The following PREX2 variants were observed in gnomAD, a reference collection of about 807,000 sequenced individuals.
PREX2 encodes the protein phosphatidylinositol-3,4,5-trisphosphate dependent Rac exchange factor 2.
A neutral mutation model predicts 203.2 loss-of-function variants in PREX2; 107 were observed. That is an observed-to-expected ratio of 0.53 (90% CI 0.45 to 0.62). The LOEUF is 0.62. PREX2 is among the 20% of genes least tolerant of loss of function. The probability of loss-of-function intolerance (pLI) is 0.00; values close to 1 mark genes in which losing one functional copy is unlikely to be tolerated. For synonymous variants in PREX2, 672 were observed against 663.6 expected (o/e 1.01, Z -0.19); for missense variants, 1,777 against 1,955.9 (o/e 0.91, Z 1.72).
At chr8:68,093,466 C>T (rs2129612302) in intron 20 of PREX2, 139 bp from the exon 21 acceptor site, 2 of 416,956 alleles carry the variant, frequency 4.8e-6, no homozygotes, top group Admixed American at 3.2e-5. Context: ...TTATTAGTTT[C>T]TGATGTTAAT....
intron 23 of PREX2, chr8:68,103,088 A>G (rs1034254101): frequency 9.9e-5 from 42 of 425,242 alleles, no homozygotes; most frequent in African/African-American, 8.5e-4. Context: ...TATTTAACAT[A>G]TATTCAAGAG....
At chr8:68,111,170 G>A (rs1424754130) in intron 25 of PREX2, 2 of 197,636 alleles carry the variant, frequency 1.0e-5, no homozygotes, top group African/African-American at 2.4e-5. Context: ...ATAAATAGTG[G>A]CATTGAATCA....
intron 1 of PREX2, among the ~76,000 whole-genome samples, chr8:67,991,615 A>T (rs1435148385): frequency 1.3e-5 from 2 of 152,146 alleles, no homozygotes; most frequent in African/African-American, 4.8e-5. Flanking sequence ...GCATGGGGGA[A>T]ACCACCCCCA....
chr8:68,226,900 C>T (rs944400155), intron 39 of PREX2, among the ~76,000 whole-genome samples: 1 of 152,140 alleles, frequency 6.6e-6, no homozygotes, highest in Admixed American at 6.5e-5. Flanking sequence ...ATGCATGTCC[C>T]ATACTGGGGA....
intron 38 of PREX2, among the ~76,000 whole-genome samples, chr8:68,224,277 A>G (rs1278530380): frequency 6.6e-6 from 1 of 152,144 alleles, no homozygotes; most frequent in East Asian, 1.9e-4. Flanking sequence ...TTGGCCCCTC[A>G]AAGTACTGGA....
chr8:68,016,573 C>T (rs897225711), intron 1 of PREX2, among the ~76,000 whole-genome samples: 2 of 152,030 alleles, frequency 1.3e-5, no homozygotes, highest in Non-Finnish European at 2.9e-5. Context: ...GAATAAAGTC[C>T]TAGAAGTAGT....
chr8:67,967,108 A>C (rs1348456999), intron 1 of PREX2, among the ~76,000 whole-genome samples: 1 of 152,232 alleles, frequency 6.6e-6, no homozygotes, highest in East Asian at 1.9e-4. Flanking sequence ...ATCTCTAAAA[A>C]TATTTGAAAG....
intron 33 of PREX2, among the ~76,000 whole-genome samples, chr8:68,138,795 ATATC>A (rs1306574001): frequency 7.9e-5 from 12 of 152,190 alleles, no homozygotes; most frequent in Non-Finnish European, 2.9e-5. Flanking sequence ...TAGTTAAAAT[ATATC>A]TATCAGTCTA....
chr8:67,956,027 A>G (rs759109588), intron 1 of PREX2, among the ~76,000 whole-genome samples: 9 of 152,206 alleles, frequency 5.9e-5, no homozygotes, highest in Non-Finnish European at 1.3e-4. Context: ...TTTTTGTTTG[A>G]GATCATGGAT....
chr8:68,044,429 T>A, intron 7 of PREX2, 58 bp from the exon 8 acceptor site: 1 of 1,229,020 alleles, frequency 8.1e-7, no homozygotes, highest in Non-Finnish European at 1.2e-6. Flanking sequence ...ATATATTGTT[T>A]TGACATTGTT....
At chr8:68,192,603 C>G (rs1190753009) in intron 37 of PREX2, 78 bp downstream of exon 37, 1 of 1,178,038 alleles carries the variant, frequency 8.5e-7, no homozygotes, top group African/African-American at 1.5e-5. Context: ...ATTTTGGCTT[C>G]ACAAAATTAA....
chr8:68,073,122 G>A (rs143677830), intron 14 of PREX2, among the ~76,000 whole-genome samples: 48 of 151,524 alleles, frequency 3.2e-4, no homozygotes, highest in African/African-American at 1.1e-3. Flanking sequence ...AAAAATTAGG[G>A]CATCCTTTCC....
chr8:68,195,666 G>T (rs1455101249), intron 37 of PREX2, among the ~76,000 whole-genome samples: 1 of 152,084 alleles, frequency 6.6e-6, no homozygotes, highest in African/African-American at 2.4e-5. Flanking sequence ...TAAACACGGA[G>T]GTTTACCCTC....
In PREX2 at chr8:68,224,369, A is replaced by G. The variant is rs558715759; in HGVS notation, c.4708-190A>G. On this transcript the variant is annotated intron_variant, in intron 38 of 39. Coordinates refer to ENST00000288368, the MANE Select transcript of PREX2 (RefSeq NM_024870.4). ...CTTCTAGGAATAAAGACAAAGCAAC[A>G]TAACAGCACATTTTTATTAAAAGCA... Among the ~76,000 whole-genome samples the G allele has an allele frequency of 3.3e-5, 5 of 152,356 alleles. No homozygotes were observed. In the South Asian group the frequency reaches 1.0e-3, roughly 32 times the overall value.
intron 1 of PREX2, among the ~76,000 whole-genome samples, chr8:68,013,009 G>A (rs1484781051): frequency 6.6e-6 from 1 of 152,188 alleles, no homozygotes; most frequent in Non-Finnish European, 1.5e-5. Flanking sequence ...ATACACTAGG[G>A]AAATTAATGC....
At chr8:67,976,925 T>A (rs73256067) in intron 1 of PREX2, among the ~76,000 whole-genome samples, 3,491 of 152,344 alleles carry the variant, frequency 0.023, 127 homozygotes, top group African/African-American at 0.077. Flanking sequence ...TGGTAGCACA[T>A]GTAGCAGAAT....
At chr8:68,069,259 C>G in intron 12 of PREX2, 123 bp downstream of exon 12, 3 of 584,100 alleles carry the variant, frequency 5.1e-6, no homozygotes, top group Non-Finnish European at 9.0e-6. Flanking sequence ...ACTATATATA[C>G]AAGCAAGCCT....
At position 67,952,195 on chromosome 8, in the gene PREX2, C is replaced by G. The variant is rs1326776030; in HGVS notation, c.-200C>G. On this transcript the variant is annotated 5_prime_UTR_variant, in exon 1 of 40. Transcript: ENST00000288368. ...GGAGTTTCCTCTGCAGAGCCCCGCGCCCCCCGCGCCGGGATTTCAGCCCGA... is the reference window on the plus strand; with the variant it reads ...GGAGTTTCCTCTGCAGAGCCCCGCGGCCCCCGCGCCGGGATTTCAGCCCGA... The G allele has an allele frequency of 2.4e-6, 1 of 410,688 alleles. No individual in the cohort carries two copies. The highest frequency in any genetic ancestry group is 4.3e-5 in the East Asian group (1 of 23,428). 25.4% of individuals were successfully genotyped at this position (410,688 alleles called of 1,614,324 possible). A position where few individuals can be genotyped will look rare whatever the true frequency, so the allele number is the denominator to read the frequency against.
rs1806094250 is a variant in PREX2, at chr8:67,976,493, GAGACAGAGAGAGGGAC to G, written c.141+23968_141+23983del. ...GAGACAGAGAGAGAGAGAGGGGAGA[GAGACAGAGAGAGGGAC>G]AGACAGAGACAGAGACAGAGAGAGA... On this transcript the variant is annotated intron_variant, in intron 1 of 39. Transcript: ENST00000288368. Among the ~76,000 whole-genome samples, 2 of 133,168 alleles carry G rather than the reference GAGACAGAGAGAGGGAC, an allele frequency of 1.5e-5. 1 individual carries two copies. The allele number at this position is 133,168 out of a possible 152,430, so 87.4% of individuals were successfully genotyped here. A position where few individuals can be genotyped will look rare whatever the true frequency, so the allele number is the denominator to read the frequency against.
Sources: allele counts gnomAD v4.1 joint callset (sites outside exome capture counted in the v4.1 genomes callset), GRCh38; gene constraint gnomAD v4.1.1; transcripts MANE v1.5; gene names NCBI Gene and HGNC (gene_info 2026-07-23, HGNC 2026-07-21).